TUBA1C: variants seen among roughly 807,000 people sequenced by gnomAD.
The protein encoded by TUBA1C is tubulin alpha 1c, also known as tubulin alpha-1C chain.
In TUBA1C, 16 loss-of-function variants were observed where a neutral mutation model predicts 34.9. The observed-to-expected ratio is 0.46, with a 90% CI of 0.31 to 0.70. The LOEUF is 0.70. Ranked by LOEUF, TUBA1C falls within the 30% of genes least tolerant of loss-of-function variation. TUBA1C has a pLI of 0.05. For missense variants in TUBA1C, 329 were observed against 587.3 expected (o/e 0.56, Z 4.55); for synonymous variants, 177 against 215.9 (o/e 0.82, Z 1.58).
In TUBA1C at chr12:49,272,863, A is replaced by G. The variant is rs551680115; in HGVS notation, c.986A>G (p.Asn329Ser). The change falls in exon 4 of 4, where the codon AAT becomes AGT. Residue 329 changes from asparagine to serine, a missense_variant. By Grantham distance (46) the Asn-to-Ser change is conservative. Coordinates refer to ENST00000301072, the MANE Select transcript of TUBA1C (RefSeq NM_032704.5). ...GGTGACGTGGTTCCCAAAGATGTCAATGCTGCCATTGCCACCATCAAAACC... is the reference window on the plus strand; with the variant it reads ...GGTGACGTGGTTCCCAAAGATGTCAGTGCTGCCATTGCCACCATCAAAACC... ...YRGDVVPKDV[N>S]AAIATIKTKR... 5 of 1,614,130 alleles carry G rather than the reference A, an allele frequency of 3.1e-6. No individual in the cohort carries two copies. The highest frequency in any genetic ancestry group is 1.3e-5 in the African/African-American group (1 of 75,042).
intron 1 of TUBA1C, among the ~76,000 whole-genome samples, chr12:49,238,720 C>T (rs1277506307): frequency 6.6e-6 from 1 of 152,004 alleles, no homozygotes; most frequent in African/African-American, 2.4e-5. Flanking sequence ...CTGTGTTACC[C>T]AGGCTAATTT....
intron 1 of TUBA1C, among the ~76,000 whole-genome samples, chr12:49,251,541 G>T (rs1427157050): frequency 6.6e-6 from 1 of 152,112 alleles, no homozygotes; most frequent in Non-Finnish European, 1.5e-5. Flanking sequence ...TTGGGAGGCC[G>T]AGATGGATGG....
At chr12:49,246,819 CA>C (rs1942674391) in intron 1 of TUBA1C, among the ~76,000 whole-genome samples, 1 of 152,064 alleles carries the variant, frequency 6.6e-6, no homozygotes, top group Admixed American at 6.6e-5. Flanking sequence ...TACTCAGACA[CA>C]GGGGGCAACC....
intron 1 of TUBA1C, among the ~76,000 whole-genome samples, chr12:49,230,294 G>A (rs1273263625): frequency 6.6e-6 from 1 of 152,112 alleles, no homozygotes; most frequent in Non-Finnish European, 1.5e-5. Flanking sequence ...TATGGGGCAG[G>A]GAGAGACAGG....
At chr12:49,230,430 A>C (rs1565636531) in intron 1 of TUBA1C, among the ~76,000 whole-genome samples, 2 of 152,140 alleles carry the variant, frequency 1.3e-5, no homozygotes, top group Admixed American at 1.3e-4. Flanking sequence ...TTATCAGTAG[A>C]TTCGTTCCCT....
Position 49,272,563 on chromosome 12 carries a change from G to A in TUBA1C, c.686G>A (p.Arg229His), listed in dbSNP as rs776672588. 5 of 1,607,724 alleles carry A rather than the reference G, an allele frequency of 3.1e-6. No individual in the cohort carries two copies. Among genetic ancestry groups the A allele is most frequent in the Non-Finnish European group, 2.5e-6 (3 of 1,177,272 alleles). ...IERPTYTNLNRLISQIVSSIT... is the reference protein window; with the variant it reads ...IERPTYTNLNHLISQIVSSIT... ...CGCCCAACCTACACTAACCTTAACC[G>A]CCTTATTAGCCAGATTGTGTCCTCC... Residue 229 changes from arginine (R) to histidine (H), a missense_variant, in exon 4 of 4, where the codon CGC becomes CAC. By Grantham distance (29) the Arg-to-His change is conservative. Around this residue, in one of 4 missense-constraint regions of TUBA1C, gnomAD observed 140 missense variants for 289.8 expected, o/e 0.48. Transcript: ENST00000301072.
chr12:49,247,473 T>G (rs1014354598), intron 1 of TUBA1C, among the ~76,000 whole-genome samples: 8 of 147,740 alleles, frequency 5.4e-5, no homozygotes, highest in African/African-American at 2.0e-4. Flanking sequence ...CTTCTCAGCC[T>G]TTTGGCTAAG....
At chr12:49,270,277 T>A (rs1328319201) in intron 3 of TUBA1C, 4 of 493,616 alleles carry the variant, frequency 8.1e-6, no homozygotes, top group Non-Finnish European at 1.5e-5. Flanking sequence ...TTGATCAGAG[T>A]CATTTTTTAA....
chr12:49,232,880 CTT>C (rs1452971943), intron 1 of TUBA1C: 1 of 152,140 alleles, frequency 6.6e-6, no homozygotes, highest in African/African-American at 2.4e-5. Context: ...AGAATACAAA[CTT>C]AACGGCATGT....
At chr12:49,270,908 G>T (rs763848621) in intron 3 of TUBA1C, among the ~76,000 whole-genome samples, 19 of 152,152 alleles carry the variant, frequency 1.2e-4, no homozygotes, top group Non-Finnish European at 2.4e-4. Flanking sequence ...GAACACGGGA[G>T]GCGGAGCTTG....
chr12:49,254,503 A>AAAAAAC (rs1247554231), intron 1 of TUBA1C, among the ~76,000 whole-genome samples: 2 of 150,306 alleles, frequency 1.3e-5, no homozygotes, highest in African/African-American at 4.9e-5. Flanking sequence ...AAAAAAAAAA[A>AAAAAAC]AAAAACGGGA....
chr12:49,258,731 A>C (rs1465241563), intron 1 of TUBA1C, among the ~76,000 whole-genome samples: 1 of 150,962 alleles, frequency 6.6e-6, no homozygotes, highest in Non-Finnish European at 1.5e-5. Flanking sequence ...CCCGGCTATA[A>C]GTAAATAAAT....
At position 49,265,090 on chromosome 12, in the gene TUBA1C, T is replaced by TC; in HGVS notation, c.-87dup. The TC allele has an allele frequency of 1.4e-6, 2 of 1,460,976 alleles. No individual in the cohort carries two copies. The highest frequency in any genetic ancestry group is 1.8e-6 in the Non-Finnish European group (2 of 1,090,258). The allele number at this position is 1,460,976 out of a possible 1,614,324, so 90.5% of individuals were successfully genotyped here. On this transcript the variant is annotated 5_prime_UTR_variant, in exon 1 of 4. Coordinates refer to ENST00000301072, the MANE Select transcript of TUBA1C (RefSeq NM_032704.5). ...GGGCCGGCCACCCTTTCACTACTTC[T>TC]CCCCCGGACTCCTTGGTAGTCTGTT...
upstream of TUBA1C, among the ~76,000 whole-genome samples, chr12:49,264,261 C>A (rs1445573328): frequency 6.6e-6 from 1 of 151,414 alleles, no homozygotes; most frequent in African/African-American, 2.4e-5. Flanking sequence ...AGTTAGCAAT[C>A]AAAAAATGTA....
rs2137022685 is a variant in TUBA1C at position 49,270,146 on chromosome 12, G to A, written c.375+170G>A. The A allele has an allele frequency of 2.9e-6, 4 of 1,360,768 alleles. No individual in the cohort carries two copies. In the South Asian group the frequency reaches 3.7e-5, roughly 12 times the overall value. The allele number at this position is 1,360,768 out of a possible 1,614,324, so 84.3% of individuals were successfully genotyped here. ...TGAACCAGATGATCTTGGATTTATG[G>A]GACAACTATGGGGTAGAAGTAAGTG... On this transcript the variant is annotated intron_variant, in intron 3 of 3. Coordinates refer to ENST00000301072, the MANE Select transcript of TUBA1C (RefSeq NM_032704.5).
At chr12:49,243,013 G>T (rs775053469) in intron 1 of TUBA1C, among the ~76,000 whole-genome samples, 1 of 152,082 alleles carries the variant, frequency 6.6e-6, no homozygotes, top group Non-Finnish European at 1.5e-5. Flanking sequence ...TTGACATGTT[G>T]CTCGGGCTGG....
upstream of TUBA1C, among the ~76,000 whole-genome samples, chr12:49,261,027 C>T (rs922794736): frequency 6.6e-6 from 1 of 152,190 alleles, no homozygotes; most frequent in Non-Finnish European, 1.5e-5. Context: ...AGCCACCTCA[C>T]CTGGCTGAAA....
chr12:49,231,190 G>T (rs1446696252), intron 1 of TUBA1C, among the ~76,000 whole-genome samples: 1 of 152,036 alleles, frequency 6.6e-6, no homozygotes, highest in African/African-American at 2.4e-5. Context: ...TTATAGTCAG[G>T]GTCTCATTCT....
chr12:49,232,739 G>A (rs1942510219), intron 1 of TUBA1C: 1 of 152,154 alleles, frequency 6.6e-6, no homozygotes, highest in Admixed American at 6.5e-5. Context: ...AGTGTAAGAT[G>A]TATGACTTGT....
Sources: gnomAD v4.1 joint callset for allele counts (sites outside exome capture counted in the v4.1 genomes callset) on GRCh38, gnomAD v4.1.1 for gene constraint, gnomAD v4.1.1 regional missense constraint, MANE v1.5 for transcripts, NCBI Gene and HGNC (gene_info 2026-07-23, HGNC 2026-07-21) for gene names.